The following CADPS variants were observed in gnomAD, a reference collection of about 807,000 sequenced individuals.
The protein encoded by CADPS is calcium-dependent secretion activator 1.
CADPS carries 57 observed loss-of-function variants against 167.3 expected under a neutral mutation model. The observed-to-expected ratio is 0.34, with a 90% CI of 0.28 to 0.42. The LOEUF is 0.42. CADPS is among the 20% of genes least tolerant of loss of function. The pLI, the probability that CADPS is intolerant of heterozygous loss-of-function variation, is 1.00. For missense variants in CADPS, 1,414 were observed against 1,738.1 expected, an observed-to-expected ratio of 0.81 and a Z score of 3.32; for synonymous variants, 676 against 635.3, an observed-to-expected ratio of 1.06 and a Z score of -0.96.
chr3:62,569,122 C>T (rs138200867), intron 9 of CADPS, among the ~76,000 whole-genome samples: 10 of 152,148 alleles, frequency 6.6e-5, no homozygotes, highest in African/African-American at 1.4e-4. Context: ...TTTTTGGAGA[C>T]GGAGTTTTGC....
At chr3:62,763,261 G>A (rs191839904) in intron 2 of CADPS, among the ~76,000 whole-genome samples, 34 of 152,320 alleles carry the variant, frequency 2.2e-4, no homozygotes, top group Non-Finnish European at 3.8e-4. Flanking sequence ...GAGCTCAGCA[G>A]GGGTGTTCTC....
At chr3:62,583,429 C>T (rs115504245) in intron 8 of CADPS, among the ~76,000 whole-genome samples, 2,020 of 152,204 alleles carry the variant, frequency 0.013, 61 homozygotes, top group African/African-American at 0.046. Context: ...GAAGGAAGAA[C>T]GGTAGACCTC....
At chr3:62,773,744 T>A (rs1282295057) in intron 1 of CADPS, among the ~76,000 whole-genome samples, 1 of 152,214 alleles carries the variant, frequency 6.6e-6, no homozygotes, top group African/African-American at 2.4e-5. Context: ...CTTGCATACC[T>A]CTACCACATT....
intron 18 of CADPS, among the ~76,000 whole-genome samples, chr3:62,496,951 C>T (rs756245475): frequency 3.9e-5 from 6 of 152,132 alleles, no homozygotes; most frequent in Admixed American, 6.5e-5. Context: ...AAAATTTGGT[C>T]TCAGGCACTT....
chr3:62,488,772 G>A (rs1461499702), intron 21 of CADPS, among the ~76,000 whole-genome samples: 3 of 152,034 alleles, frequency 2.0e-5, no homozygotes, highest in Non-Finnish European at 4.4e-5. Context: ...TTACAAGTGT[G>A]AACAACCACA....
In CADPS at chr3:62,510,539, T is replaced by G. The variant is rs147029759; in HGVS notation, c.2599+2212A>C. Among the ~76,000 whole-genome samples, 1,219 of 152,290 alleles carry G rather than the reference T, an allele frequency of 8.0e-3. 19 individuals are homozygous for G. Among genetic ancestry groups the G allele is most frequent in the African/African-American group, 0.028 (1,163 of 41,562 alleles). Reference sequence around the variant, plus strand: ...GCTTTTCTTTCATAGACTAGCAGGCTTTTGCATCTTTTTTTGGAGGTACTG... The same window carrying G: ...GCTTTTCTTTCATAGACTAGCAGGCGTTTGCATCTTTTTTTGGAGGTACTG... On this transcript the variant is annotated intron_variant, in intron 17 of 29. Coordinates refer to ENST00000383710, the MANE Select transcript of CADPS (RefSeq NM_003716.4).
At chr3:62,773,484 G>A (rs1200173299) in intron 1 of CADPS, among the ~76,000 whole-genome samples, 3 of 151,938 alleles carry the variant, frequency 2.0e-5, no homozygotes. Context: ...GGAGAATTAC[G>A]ATGAGGCTGT....
At chr3:62,742,713 C>T (rs986982788) in intron 3 of CADPS, among the ~76,000 whole-genome samples, 6 of 151,942 alleles carry the variant, frequency 3.9e-5, no homozygotes, top group Admixed American at 1.3e-4. Flanking sequence ...GACATAGGCA[C>T]GGCAAAGATT....
At chr3:62,751,624 T>C (rs1181764386) in intron 3 of CADPS, among the ~76,000 whole-genome samples, 1 of 152,156 alleles carries the variant, frequency 6.6e-6, no homozygotes, top group African/African-American at 2.4e-5. Flanking sequence ...TTTCACCATG[T>C]TGGCCAGGCT....
intron 1 of CADPS, among the ~76,000 whole-genome samples, chr3:62,770,112 C>T (rs191668660): frequency 6.6e-6 from 1 of 152,142 alleles, no homozygotes; most frequent in African/African-American, 2.4e-5. Flanking sequence ...CTCAGCTGTG[C>T]CCCGACTTTT....
chr3:62,853,567 G>A (rs1404315274), intron 1 of CADPS, among the ~76,000 whole-genome samples: 1 of 150,698 alleles, frequency 6.6e-6, no homozygotes, highest in African/African-American at 2.4e-5. Flanking sequence ...GGAGGTTGCA[G>A]TGAGCCCGCA....
chr3:62,411,327 T>A (rs2048912208), intron 28 of CADPS, among the ~76,000 whole-genome samples: 2 of 152,172 alleles, frequency 1.3e-5, no homozygotes, highest in Non-Finnish European at 2.9e-5. Context: ...CTAGAGGGGC[T>A]AATGAAATAA....
At chr3:62,638,453 C>T (rs1241314143) in intron 6 of CADPS, among the ~76,000 whole-genome samples, 1 of 152,106 alleles carries the variant, frequency 6.6e-6, no homozygotes, top group Non-Finnish European at 1.5e-5. Context: ...GAAAAACAGT[C>T]CAGTTCTTAG....
intron 6 of CADPS, among the ~76,000 whole-genome samples, chr3:62,635,132 A>G (rs2066032297): frequency 1.3e-5 from 2 of 151,058 alleles, no homozygotes; most frequent in Admixed American, 1.3e-4. Context: ...TAAAGCAGGC[A>G]GGTGAAAAAG....
chr3:62,589,866 G>A (rs968417756), intron 7 of CADPS, among the ~76,000 whole-genome samples: 42 of 152,116 alleles, frequency 2.8e-4, no homozygotes, highest in Admixed American at 4.6e-4. Flanking sequence ...CCAGAAAAAT[G>A]CATATAGGCC....
At chr3:62,569,765 G>A (rs1406690056) in intron 9 of CADPS, among the ~76,000 whole-genome samples, 1 of 152,172 alleles carries the variant, frequency 6.6e-6, no homozygotes, top group Non-Finnish European at 1.5e-5. Context: ...GACTCACTTT[G>A]TGAAATCTTT....
intron 1 of CADPS, among the ~76,000 whole-genome samples, chr3:62,867,654 T>G (rs77129758): frequency 6.6e-6 from 1 of 152,062 alleles, no homozygotes; most frequent in Non-Finnish European, 1.5e-5. Flanking sequence ...ATGATGATAA[T>G]AGCAATAATG....
chr3:62,819,148 A>G (rs2094771120), intron 1 of CADPS, among the ~76,000 whole-genome samples: 1 of 152,158 alleles, frequency 6.6e-6, no homozygotes, highest in Admixed American at 6.6e-5. Context: ...AGTGAACTGT[A>G]CACTTAAGAT....
At chr3:62,764,186 G>C (rs1449994995) in intron 2 of CADPS, among the ~76,000 whole-genome samples, 1 of 152,094 alleles carries the variant, frequency 6.6e-6, no homozygotes, top group African/African-American at 2.4e-5. Flanking sequence ...TCTCCCATTG[G>C]CTTCCAGAAC....
Sources: allele counts gnomAD v4.1 joint callset (sites outside exome capture counted in the v4.1 genomes callset), GRCh38; gene constraint gnomAD v4.1.1; transcripts MANE v1.5; gene names NCBI Gene and HGNC (gene_info 2026-07-23, HGNC 2026-07-21).